The following GRID1 variants were observed in gnomAD, a reference collection of about 807,000 sequenced individuals.
GRID1 encodes glutamate receptor ionotropic, delta-1.
Under a neutral mutation model 98.0 loss-of-function variants are expected in GRID1, and 28 were observed. The observed-to-expected ratio is 0.29, with a 90% CI of 0.21 to 0.39. The LOEUF (loss-of-function observed/expected upper bound fraction) is 0.39. Among genes scored for constraint, GRID1 ranks in the 10% least tolerant of loss-of-function variants. The pLI, the probability that GRID1 is intolerant of heterozygous loss-of-function variation, is 1.00. For synonymous variants in GRID1, 553 were observed against 538.5 expected, an observed-to-expected ratio of 1.03 and a Z score of -0.37; for missense variants, 1,111 against 1,340.5, an observed-to-expected ratio of 0.83 and a Z score of 2.67.
intron 4 of GRID1, among the ~76,000 whole-genome samples, chr10:86,041,830 G>A (rs1227695248): frequency 6.6e-6 from 1 of 150,500 alleles, no homozygotes; most frequent in Non-Finnish European, 1.5e-5. Context: ...GCTGCCTGCT[G>A]GAGCCCTGAC....
chr10:85,620,571 CTT>C (rs1325984541), intron 13 of GRID1, among the ~76,000 whole-genome samples: 2 of 152,178 alleles, frequency 1.3e-5, no homozygotes, highest in Non-Finnish European at 2.9e-5. Flanking sequence ...GTAATGGTGA[CTT>C]AATATCAAGC....
At chr10:85,772,064 A>T (rs1168946514) in intron 8 of GRID1, among the ~76,000 whole-genome samples, 1 of 152,152 alleles carries the variant, frequency 6.6e-6, no homozygotes, top group East Asian at 1.9e-4. Context: ...TTGACCACAT[A>T]GTTGGAAGGA....
Position 85,602,103 on chromosome 10 carries a change from T to A in GRID1, c.*170A>T. The A allele has an allele frequency of 2.1e-6, 1 of 486,524 alleles. No individual in the cohort carries two copies. Among genetic ancestry groups the A allele is most frequent in the Non-Finnish European group, 3.6e-6 (1 of 278,932 alleles). The allele number at this position is 486,524 out of a possible 1,614,324, so 30.1% of individuals were successfully genotyped here. A position where few individuals can be genotyped will look rare whatever the true frequency, so the allele number is the denominator to read the frequency against. ...AATTGGGAATATTCAAAATACACTT[T>A]TACCCCACTCCATTCTGTCATTATT... is the stretch of plus-strand genomic sequence containing the variant. On this transcript the variant is annotated 3_prime_UTR_variant, in exon 16 of 16. Transcript: ENST00000327946.
intron 4 of GRID1, among the ~76,000 whole-genome samples, chr10:86,112,458 G>T (rs1238591562): frequency 2.0e-5 from 3 of 152,186 alleles, no homozygotes; most frequent in Non-Finnish European, 4.4e-5. Context: ...AGTCTGAGAT[G>T]AAAACCTGTA....
intron 6 of GRID1, among the ~76,000 whole-genome samples, chr10:85,864,466 C>T (rs1206679972): frequency 6.6e-6 from 1 of 152,258 alleles, no homozygotes; most frequent in Non-Finnish European, 1.5e-5. Flanking sequence ...GCCAGAATAG[C>T]AGCCAGTTGC....
At chr10:86,271,820 G>C (rs1364491438) in intron 2 of GRID1, among the ~76,000 whole-genome samples, 1 of 152,176 alleles carries the variant, frequency 6.6e-6, no homozygotes, top group Non-Finnish European at 1.5e-5. Context: ...TGTGTAACTG[G>C]AGTCCCAGAG....
rs1842578728 is a variant in GRID1, at chr10:85,601,730, C to T, written c.*543G>A. The T allele has an allele frequency of 1.3e-5, 2 of 153,678 alleles. No homozygotes were observed. Among genetic ancestry groups the T allele is most frequent in the African/African-American group, 4.8e-5 (2 of 41,464 alleles). 9.5% of individuals were successfully genotyped at this position (153,678 alleles called of 1,614,324 possible). ...TCAGCCCCAGGCTACCCAGAACAGC[C>T]GATCACCCTACAGCACAGCAACCCA... On this transcript the variant is annotated 3_prime_UTR_variant, in exon 16 of 16. Transcript: ENST00000327946.
intron 4 of GRID1, among the ~76,000 whole-genome samples, chr10:86,035,170 T>A (rs1167326327): frequency 6.6e-6 from 1 of 152,210 alleles, no homozygotes; most frequent in Non-Finnish European, 1.5e-5. Flanking sequence ...CCTAATCAGT[T>A]CTAATAGGCC....
chr10:85,805,054 A>G (rs1842611195), intron 8 of GRID1, among the ~76,000 whole-genome samples: 2 of 151,548 alleles, frequency 1.3e-5, no homozygotes, highest in Admixed American at 6.6e-5. Flanking sequence ...TCATATATCT[A>G]AAAAATGCAA....
chr10:86,079,693 A>T (rs747016635), intron 4 of GRID1, among the ~76,000 whole-genome samples: 46 of 152,168 alleles, frequency 3.0e-4, no homozygotes, highest in Non-Finnish European at 3.4e-4. Context: ...TCCTCTGTCC[A>T]TGGTGATAAA....
chr10:85,861,335 C>T (rs988663964), intron 6 of GRID1, among the ~76,000 whole-genome samples: 2 of 152,328 alleles, frequency 1.3e-5, no homozygotes, highest in African/African-American at 2.4e-5. Flanking sequence ...CCTGAGCACC[C>T]GTGTACATGT....
chr10:86,026,298 C>T (rs1366283351), intron 4 of GRID1, among the ~76,000 whole-genome samples: 2 of 152,158 alleles, frequency 1.3e-5, no homozygotes, highest in Admixed American at 6.5e-5. Flanking sequence ...CTCTTACAAG[C>T]GCAGAAATGC....
rs377616272 is a variant in GRID1 at position 85,744,377 on chromosome 10, T to C, written c.1234-14763A>G. Among the ~76,000 whole-genome samples the C allele has an allele frequency of 5.3e-5, 8 of 152,124 alleles. No homozygotes were observed. In the East Asian group the frequency reaches 1.5e-3, roughly 29 times the overall value. ...GCTTAATTTTAAAACCCACACAATT[T>C]TTAAAATGGAACAGAACAGAGCCCT... On this transcript the variant is annotated intron_variant, in intron 8 of 15. Coordinates refer to ENST00000327946, the MANE Select transcript of GRID1 (RefSeq NM_017551.3).
intron 8 of GRID1, among the ~76,000 whole-genome samples, chr10:85,808,415 T>C (rs1842641525): frequency 6.6e-6 from 1 of 152,190 alleles, no homozygotes; most frequent in Non-Finnish European, 1.5e-5. Flanking sequence ...AATTGCAAAC[T>C]CTTGGATGAC....
intron 4 of GRID1, among the ~76,000 whole-genome samples, chr10:86,135,212 C>T (rs1319757908): frequency 6.6e-6 from 1 of 152,194 alleles, no homozygotes; most frequent in African/African-American, 2.4e-5. Context: ...CACTGAAGTC[C>T]CACTTAGCAA....
intron 4 of GRID1, among the ~76,000 whole-genome samples, chr10:85,974,620 A>G (rs1842448541): frequency 2.0e-5 from 3 of 152,180 alleles, no homozygotes; most frequent in African/African-American, 7.2e-5. Flanking sequence ...TATGCTAAAT[A>G]TGCTCCCCTA....
intron 5 of GRID1, among the ~76,000 whole-genome samples, chr10:85,913,987 G>C (rs1447124158): frequency 6.6e-6 from 1 of 152,152 alleles, no homozygotes; most frequent in African/African-American, 2.4e-5. Context: ...TGGCCATGGT[G>C]AGACACCACA....
chr10:86,348,063 T>C (rs1848412459), intron 2 of GRID1, among the ~76,000 whole-genome samples: 1 of 152,128 alleles, frequency 6.6e-6, no homozygotes, highest in African/African-American at 2.4e-5. Flanking sequence ...CACCTATCAC[T>C]GGGGTCTCAG....
At chr10:86,085,174 C>T (rs1246154253) in intron 4 of GRID1, among the ~76,000 whole-genome samples, 1 of 152,170 alleles carries the variant, frequency 6.6e-6, no homozygotes, top group African/African-American at 2.4e-5. Context: ...GGCAGAGACA[C>T]CTACCTTTGG....
Sources: gnomAD v4.1 joint callset for allele counts (sites outside exome capture counted in the v4.1 genomes callset) on GRCh38, gnomAD v4.1.1 for gene constraint, MANE v1.5 for transcripts, NCBI Gene and HGNC (gene_info 2026-07-23, HGNC 2026-07-21) for gene names.